The following CHD1L variants were observed in gnomAD, a reference collection of about 807,000 sequenced individuals.
The protein encoded by CHD1L is chromodomain helicase DNA binding protein 1 like, also known as ATP-dependent chromatin remodeler CHD1L.
CHD1L carries 118 observed loss-of-function variants against 115.9 expected under a neutral mutation model. That is an observed-to-expected ratio of 1.02 (90% CI 0.88 to 1.19). CHD1L has a LOEUF of 1.19. Ranked by LOEUF, CHD1L falls within the 50% of genes most tolerant of loss-of-function variation. The pLI is 0.00. For synonymous variants in CHD1L, 411 were observed against 387.1 expected, an observed-to-expected ratio of 1.06 and a Z score of -0.72; for missense variants, 1,179 against 1,065.3, an observed-to-expected ratio of 1.11 and a Z score of -1.49.
At chr1:147,197,497 G>A in the CHD1L span, among the ~76,000 whole-genome samples, 3 of 152,074 alleles carry the variant, frequency 2.0e-5, no homozygotes, top group Non-Finnish European at 4.4e-5. Context: ...GGAGGGGCCT[G>A]GTGGGAGGTG....
At chr1:147,204,917 G>T in the CHD1L span, 2 of 1,571,410 alleles carry the variant, frequency 1.3e-6, no homozygotes, top group Non-Finnish European at 8.8e-7. Flanking sequence ...GGAGCCTTGG[G>T]AACTTGAAGC....
chr1:147,241,412 G>A (rs1486942314), upstream of CHD1L, among the ~76,000 whole-genome samples: 2 of 151,900 alleles, frequency 1.3e-5, no homozygotes, highest in Non-Finnish European at 2.9e-5. Flanking sequence ...ACTCCTGCCC[G>A]CCACAGAACA....
At chr1:147,179,980 A>T in the CHD1L span, among the ~76,000 whole-genome samples, 1 of 151,452 alleles carries the variant, frequency 6.6e-6, no homozygotes, top group Admixed American at 6.6e-5. Flanking sequence ...AATGCGGTCC[A>T]TGGTTTACTT....
intron 1 of CHD1L, among the ~76,000 whole-genome samples, chr1:147,243,588 C>T (rs1442626362): frequency 1.3e-5 from 2 of 152,148 alleles, no homozygotes; most frequent in Non-Finnish European, 2.9e-5. Flanking sequence ...CGCTCTCCTC[C>T]TGGGTCTGCG....
the CHD1L span, among the ~76,000 whole-genome samples, chr1:147,176,715 A>G: frequency 6.6e-6 from 1 of 152,220 alleles, no homozygotes; most frequent in Non-Finnish European, 1.5e-5. Flanking sequence ...TTCATTAACT[A>G]TGAATCTACT....
chr1:147,292,808 G>A (rs986375198), intron 20 of CHD1L, among the ~76,000 whole-genome samples: 11 of 152,138 alleles, frequency 7.2e-5, no homozygotes, highest in African/African-American at 2.7e-4. Flanking sequence ...CAAGGGTATG[G>A]CATTAAGCCA....
the CHD1L span, among the ~76,000 whole-genome samples, chr1:147,180,641 T>C: frequency 6.6e-6 from 1 of 152,176 alleles, no homozygotes; most frequent in African/African-American, 2.4e-5. Context: ...GAAAGGAAGA[T>C]GCCAGTTTGA....
At chr1:147,220,079 C>T in the CHD1L span, among the ~76,000 whole-genome samples, 1 of 152,118 alleles carries the variant, frequency 6.6e-6, no homozygotes, top group Non-Finnish European at 1.5e-5. Flanking sequence ...ACCTCGTGAT[C>T]CACCCACCTC....
At chr1:147,186,959 T>C in the CHD1L span, 1 of 1,614,066 alleles carries the variant, frequency 6.2e-7, no homozygotes, top group Non-Finnish European at 8.5e-7. Flanking sequence ...TTGCCTATTG[T>C]CATTGTTGAA....
Position 147,284,361 on chromosome 1 carries a change from G to A in CHD1L, c.1716G>A (p.Met572Ile), listed in dbSNP as rs782375872. Residue 572 changes from methionine to isoleucine, a missense_variant, in exon 16 of 23, where the codon ATG becomes ATA. Transcript: ENST00000369258. ...GTTTTATGTTGTTAGAAAATCATATGTACTTATTTGAAGGTAAAGATTATT... is the reference window on the plus strand; with the variant it reads ...GTTTTATGTTGTTAGAAAATCATATATACTTATTTGAAGGTAAAGATTATT... ...SRDQEEGKNH[M>I]YLFEGKDYSK... 4 of 1,573,062 alleles carry A rather than the reference G, an allele frequency of 2.5e-6. No individual in the cohort carries two copies. The South Asian group carries it at 3.5e-5, about 14-fold the overall frequency.
intron 19 of CHD1L, among the ~76,000 whole-genome samples, chr1:147,291,015 A>ATG (rs1685316823): frequency 6.6e-6 from 1 of 152,204 alleles, no homozygotes; most frequent in African/African-American, 2.4e-5. Context: ...ACATCAGCTT[A>ATG]TGTAAAGCCA....
rs1553949439 is a variant in CHD1L at position 147,267,532 on chromosome 1, T to C, written c.988+14T>C. 2 of 1,578,828 alleles carry C rather than the reference T, an allele frequency of 1.3e-6. No homozygotes were observed. Among genetic ancestry groups the C allele is most frequent in the South Asian group, 1.1e-5 (1 of 87,332 alleles). On this transcript the variant is annotated intron_variant, in intron 9 of 22. Transcript: ENST00000369258. ...ATTTGTTTGATGGTGAGACAGTGCC[T>C]TTTCCCCCCACATTATTCTTTGGTA...
intron 21 of CHD1L, among the ~76,000 whole-genome samples, chr1:147,294,136 T>G (rs1686666343): frequency 6.6e-6 from 1 of 152,370 alleles, no homozygotes; most frequent in Non-Finnish European, 1.5e-5. Context: ...CTTATTGAAT[T>G]GATTGGCTTG....
rs782262422 is a variant in CHD1L at position 147,267,417 on chromosome 1, A to G, written c.896-9A>G. 1 of 1,596,778 alleles carries G rather than the reference A, an allele frequency of 6.3e-7. No individual in the cohort carries two copies. The highest frequency in any genetic ancestry group is 1.1e-5 in the South Asian group (1 of 89,134). ...TCTTTCTGTCTCTCTCTTTTTTTTT[A>G]AATTTCAGATGCATTTGAAAATGAG... On this transcript the variant is annotated splice_polypyrimidine_tract_variant and intron_variant, in intron 8 of 22. Transcript: ENST00000369258.
At chr1:147,268,439 G>A (rs782411258) in intron 9 of CHD1L, among the ~76,000 whole-genome samples, 1 of 152,082 alleles carries the variant, frequency 6.6e-6, no homozygotes, top group South Asian at 2.1e-4. Flanking sequence ...TTAAGAGGAG[G>A]GGGTGTTGGG....
the CHD1L span, among the ~76,000 whole-genome samples, chr1:147,226,359 T>C: frequency 2.0e-5 from 3 of 152,164 alleles, no homozygotes; most frequent in Admixed American, 2.0e-4. Flanking sequence ...TAGTGAGGAA[T>C]GTATTGTTTC....
chr1:147,268,863 C>G lies in CHD1L; in HGVS notation c.1070C>G (p.Ala357Gly), dbSNP rs149891977. The G allele has an allele frequency of 2.5e-6, 4 of 1,612,858 alleles. No homozygotes were observed. In the Admixed American group the frequency reaches 5.0e-5, roughly 20 times the overall value. The change falls in exon 10 of 23, where the codon GCA (alanine) becomes GGA (glycine). Residue 357 changes from alanine (A) to glycine (G), a missense_variant. Coordinates refer to ENST00000369258, the MANE Select transcript of CHD1L (RefSeq NM_004284.6). ...GKLHLLDKLL[A>G]FLYSGGHRVL... The stretch of plus-strand genomic sequence containing the variant: ...CTTCACCTGCTGGATAAGCTACTAG[C>G]ATTCCTGTATTCTGGGTAGGTGGTA...
chr1:147,228,953 G>A, the CHD1L span, among the ~76,000 whole-genome samples: 7,221 of 151,388 alleles, frequency 0.048, 399 homozygotes, highest in East Asian at 0.17. Flanking sequence ...CTCCCATTCG[G>A]TAGGTTGCCT....
the CHD1L span, chr1:147,179,085 T>C: frequency 2.5e-6 from 4 of 1,614,000 alleles, no homozygotes; most frequent in Middle Eastern, 6.6e-4. Context: ...GAGAGATTCC[T>C]GTTGTTGCTA....
Sources: allele counts gnomAD v4.1 joint callset (sites outside exome capture counted in the v4.1 genomes callset), GRCh38; gene constraint gnomAD v4.1.1; transcripts MANE v1.5; gene names NCBI Gene and HGNC (gene_info 2026-07-23, HGNC 2026-07-21).